Variants in PAK5 observed in about 807,000 individuals in gnomAD.
PAK5 encodes p21 (RAC1) activated kinase 5, also known as serine/threonine-protein kinase PAK 5.
In PAK5, 16 loss-of-function variants were observed where a neutral mutation model predicts 65.9. The ratio of observed to expected loss-of-function variants is 0.24; its 90% CI spans 0.16 to 0.37. The LOEUF is 0.37. PAK5 is among the 10% of genes least tolerant of loss of function. PAK5 has a pLI of 1.00. For missense variants in PAK5, 785 were observed against 903.9 expected (o/e 0.87, Z 1.69); for synonymous variants, 371 against 354.9 (o/e 1.05, Z -0.51).
rs540057460 is a variant in PAK5 at position 9,580,817 on chromosome 20, G to A, written c.318C>T (p.Pro106=). ...RSNSLRKESP[P]TPDQGASSHG... The stretch of plus-strand genomic sequence containing the variant: ...GGCTGGAGGCTCCCTGATCTGGGGT[G>A]GGTGGGCTTTCTTTCCTTAGGGAGT... Residue 106 remains proline (P), a synonymous_variant, in exon 4 of 10, where the codon CCC becomes CCT. Transcript: ENST00000353224. The A allele has an allele frequency of 2.4e-5, 39 of 1,613,998 alleles. No homozygotes were observed. The highest frequency in any genetic ancestry group is 1.2e-4 in the Admixed American group (7 of 60,002).
At chr20:9,559,702 G>A (rs1037827376) in intron 6 of PAK5, among the ~76,000 whole-genome samples, 13 of 152,154 alleles carry the variant, frequency 8.5e-5, no homozygotes, top group African/African-American at 2.7e-4. Flanking sequence ...GGCAGAGGTT[G>A]CAGTGAGCGG....
intron 1 of PAK5, among the ~76,000 whole-genome samples, chr20:9,828,517 A>G (rs996807775): frequency 5.3e-5 from 8 of 152,184 alleles, no homozygotes; most frequent in African/African-American, 1.7e-4. Flanking sequence ...TCTTTCTTTT[A>G]AACAAATAAA....
chr20:9,623,751 A>C (rs2046803650), intron 3 of PAK5, among the ~76,000 whole-genome samples: 1 of 152,230 alleles, frequency 6.6e-6, no homozygotes, highest in Non-Finnish European at 1.5e-5. Context: ...AGGAAAGTTG[A>C]CAAAGGATTT....
chr20:9,810,788 T>G (rs2049289576), intron 1 of PAK5, among the ~76,000 whole-genome samples: 6 of 152,128 alleles, frequency 3.9e-5, no homozygotes, highest in Admixed American at 3.9e-4. Context: ...TCACCATATC[T>G]CACAAAAATG....
intron 1 of PAK5, among the ~76,000 whole-genome samples, chr20:9,801,763 T>C (rs2049171972): frequency 6.6e-6 from 1 of 152,132 alleles, no homozygotes; most frequent in Non-Finnish European, 1.5e-5. Context: ...TTCATTCTAG[T>C]AAGAAAAGCC....
At chr20:9,758,682 C>G (rs1218863089) in intron 1 of PAK5, among the ~76,000 whole-genome samples, 1 of 152,106 alleles carries the variant, frequency 6.6e-6, no homozygotes, top group Non-Finnish European at 1.5e-5. Flanking sequence ...AAGGCTTTCC[C>G]CCTTGGAGTC....
chr20:9,672,172 T>A (rs1234284439), intron 2 of PAK5, among the ~76,000 whole-genome samples: 1 of 151,900 alleles, frequency 6.6e-6, no homozygotes, highest in Non-Finnish European at 1.5e-5. Context: ...AACTAACGCA[T>A]CAATTTTTAA....
chr20:9,571,979 G>A (rs2045794320), intron 4 of PAK5, among the ~76,000 whole-genome samples: 1 of 151,608 alleles, frequency 6.6e-6, no homozygotes, highest in Non-Finnish European at 1.5e-5. Context: ...CCAGATGTTT[G>A]GGCAGCCTGG....
At chr20:9,547,062 T>C (rs776787811) in intron 7 of PAK5, among the ~76,000 whole-genome samples, 2 of 152,122 alleles carry the variant, frequency 1.3e-5, no homozygotes, top group Non-Finnish European at 2.9e-5. Flanking sequence ...GGACAGGCCC[T>C]AAATTGCATG....
rs184821006 is a variant in PAK5, at chr20:9,737,694, T to C, written c.-161-26259A>G. Among the ~76,000 whole-genome samples, 5 of 152,326 alleles carry C rather than the reference T, an allele frequency of 3.3e-5. No individual in the cohort carries two copies. The East Asian group carries it at 9.6e-4, about 29-fold the overall frequency. On this transcript the variant is annotated intron_variant, in intron 1 of 9. Transcript: ENST00000353224. ...AAAGCCTTTAATGAATAGCCCTTCA[T>C]GAATATTTAGAGATGACAACTATAC... is the stretch of plus-strand genomic sequence containing the variant.
intron 3 of PAK5, among the ~76,000 whole-genome samples, chr20:9,620,706 T>G (rs1049930125): frequency 6.6e-6 from 1 of 152,056 alleles, no homozygotes; most frequent in African/African-American, 2.4e-5. Context: ...TTAAAAGCTA[T>G]ACAGAGTCTC....
At chr20:9,703,751 C>T (rs548225059) in intron 2 of PAK5, among the ~76,000 whole-genome samples, 8 of 151,994 alleles carry the variant, frequency 5.3e-5, no homozygotes, top group Non-Finnish European at 8.8e-5. Context: ...ATATATCCCC[C>T]CCTCCACTCT....
intron 6 of PAK5, among the ~76,000 whole-genome samples, chr20:9,561,626 C>A (rs139501081): frequency 6.6e-5 from 10 of 152,112 alleles, no homozygotes; most frequent in African/African-American, 1.7e-4. Flanking sequence ...GGAGAAAAAA[C>A]AGCATGTTTT....
At chr20:9,608,506 G>T (rs2046497194) in intron 3 of PAK5, among the ~76,000 whole-genome samples, 1 of 152,312 alleles carries the variant, frequency 6.6e-6, no homozygotes, top group Admixed American at 6.5e-5. Context: ...ATCCTCCATT[G>T]TCTCTAGGTA....
intron 3 of PAK5, among the ~76,000 whole-genome samples, chr20:9,600,214 G>A (rs573777674): frequency 1.1e-4 from 17 of 152,226 alleles, no homozygotes; most frequent in African/African-American, 3.9e-4. Context: ...CTAGATGTCC[G>A]TTCTTATACC....
At chr20:9,623,138 A>T (rs184999028) in intron 3 of PAK5, among the ~76,000 whole-genome samples, 121 of 152,340 alleles carry the variant, frequency 7.9e-4, no homozygotes, top group Non-Finnish European at 1.4e-3. Flanking sequence ...AAGAAGAGGA[A>T]TGGAAGACAT....
chr20:9,769,920 T>C (rs991167538), intron 1 of PAK5, among the ~76,000 whole-genome samples: 7 of 152,208 alleles, frequency 4.6e-5, no homozygotes, highest in African/African-American at 1.7e-4. Context: ...AGTAGAAGAA[T>C]ATAGAACTAG....
chr20:9,698,528 A>G (rs1421303624), intron 2 of PAK5, among the ~76,000 whole-genome samples: 1 of 152,196 alleles, frequency 6.6e-6, no homozygotes, highest in Non-Finnish European at 1.5e-5. Flanking sequence ...TCATCTAAGG[A>G]ATGTTTGCAG....
intron 1 of PAK5, among the ~76,000 whole-genome samples, chr20:9,810,769 G>T (rs1483733104): frequency 1.3e-5 from 2 of 152,010 alleles, no homozygotes; most frequent in Non-Finnish European, 1.5e-5. Context: ...AAATGTACAA[G>T]ATCACATTTC....
Sources: gnomAD v4.1 joint callset for allele counts (sites outside exome capture counted in the v4.1 genomes callset) on GRCh38, gnomAD v4.1.1 for gene constraint, MANE v1.5 for transcripts, NCBI Gene and HGNC (gene_info 2026-07-23, HGNC 2026-07-21) for gene names.